Variants in ACCS observed in about 807,000 individuals in gnomAD.
The protein encoded by ACCS is 1-aminocyclopropane-1-carboxylate synthase homolog (inactive), also known as 1-aminocyclopropane-1-carboxylate synthase-like protein 1.
ACCS carries 42 observed loss-of-function variants against 59.8 expected under a neutral mutation model. That is an observed-to-expected ratio of 0.70 (90% confidence interval 0.55 to 0.91). The LOEUF is 0.91. ACCS is among the 40% of genes least tolerant of loss of function. ACCS has a pLI of 0.00. For synonymous variants in ACCS, 230 were observed against 240.3 expected, an observed-to-expected ratio of 0.96 and a Z score of 0.40; for missense variants, 602 against 630.4, an observed-to-expected ratio of 0.95 and a Z score of 0.48.
intron 12 of ACCS, chr11:44,082,131 C>T (rs1953666937): frequency 6.6e-6 from 1 of 152,148 alleles, no homozygotes; most frequent in Non-Finnish European, 1.5e-5. Flanking sequence ...AAAATAGTGA[C>T]AACATCAAGT....
rs374980686 is a variant in ACCS, at chr11:44,077,318, C to A, written c.596C>A (p.Thr199Lys). The change falls in exon 7 of 15, where the codon ACA (threonine) becomes AAA (lysine). Residue 199 changes from threonine to lysine, a missense_variant. Physicochemically the swap from Thr to Lys is moderately conservative, Grantham distance 78. Transcript: ENST00000263776. ...LIPTPYYGAI[T>K]QHVCLYGNIR... is the part of the protein sequence containing the mutation. ...CCCACCCCTTACTATGGCGCTATCA[C>A]ACAGCACGTGTGTCTCTATGGCAAC... 13 of 1,614,158 alleles carry A rather than the reference C, an allele frequency of 8.1e-6. No individual in the cohort carries two copies. The African/African-American group carries it at 1.7e-4, about 22-fold the overall frequency.
At chr11:44,073,873 C>G (rs1416192425) in intron 4 of ACCS, among the ~76,000 whole-genome samples, 1 of 152,182 alleles carries the variant, frequency 6.6e-6, no homozygotes, top group Non-Finnish European at 1.5e-5. Context: ...TTGATGGTAG[C>G]TTTAGAGAAG....
rs559193921 is a variant in ACCS at position 44,070,740 on chromosome 11, C to A, written c.289-516C>A. Among the ~76,000 whole-genome samples the A allele has an allele frequency of 4.5e-4, 68 of 152,212 alleles. 1 individual carries two copies. The highest frequency in any genetic ancestry group is 1.5e-3 in the African/African-American group (64 of 41,514). ...GGGAGTATTTGCACTGGCAAAGGAA[C>A]CTCTTCTTGATCTACATCTACCTTT... On this transcript the variant is annotated intron_variant, in intron 2 of 14. Coordinates refer to ENST00000263776, the MANE Select transcript of ACCS (RefSeq NM_032592.4).
At chr11:44,071,213 C>A in intron 2 of ACCS, 43 bp from the exon 3 acceptor site, 1 of 1,607,172 alleles carries the variant, frequency 6.2e-7, no homozygotes, top group African/African-American at 1.3e-5. Flanking sequence ...TCACTGGCAC[C>A]CCCCTGCCAT....
At chr11:44,070,669 G>A (rs1953007168) in intron 2 of ACCS, among the ~76,000 whole-genome samples, 1 of 152,178 alleles carries the variant, frequency 6.6e-6, no homozygotes, top group Non-Finnish European at 1.5e-5. Flanking sequence ...ATAAATGCCT[G>A]TGGGGTGGGG....
chr11:44,083,660 T>A (rs751674371), intron 14 of ACCS, 35 bp from the exon 15 acceptor site: 3 of 1,614,178 alleles, frequency 1.9e-6, no homozygotes, highest in Non-Finnish European at 2.5e-6. Context: ...CACGTGGCCA[T>A]CAGTGCCAAC....
chr11:44,078,045 G>A (rs1478051887), intron 8 of ACCS, 123 bp downstream of exon 8: 7 of 1,230,026 alleles, frequency 5.7e-6, no homozygotes, highest in Non-Finnish European at 7.8e-6. Flanking sequence ...GGGACAGACA[G>A]GTAGGGTGGT....
At position 44,083,459 on chromosome 11, in the gene ACCS, G is replaced by T; in HGVS notation, c.1290G>T (p.Leu430=). The T allele has an allele frequency of 6.2e-7, 1 of 1,614,236 alleles. No individual in the cohort carries two copies. Among genetic ancestry groups the T allele is most frequent in the Non-Finnish European group, 8.5e-7 (1 of 1,180,030 alleles). ...LPKGTFEEEM[L]LWRRFLDNKV... ...AGGGCACCTTTGAGGAGGAAATGCT[G>T]CTCTGGCGCCGCTTTTTGGACAACA... The change falls in exon 14 of 15, where the codon CTG becomes CTT. Residue 430 remains leucine, a synonymous_variant. Transcript: ENST00000263776.
At chr11:44,077,781 A>G in intron 7 of ACCS, 64 bp from the exon 8 acceptor site, 6 of 1,585,868 alleles carry the variant, frequency 3.8e-6, no homozygotes, top group South Asian at 3.5e-5. Context: ...CTGAGAGTTC[A>G]TATGTATTTT....
intron 11 of ACCS, 41 bp from the exon 12 acceptor site, chr11:44,081,138 C>T: frequency 6.2e-7 from 1 of 1,614,192 alleles, no homozygotes; most frequent in Non-Finnish European, 8.5e-7. Context: ...CAGCTTCCTC[C>T]ATGGAGGGCT....
At chr11:44,072,930 C>T (rs1010539320) in intron 3 of ACCS, among the ~76,000 whole-genome samples, 1 of 152,186 alleles carries the variant, frequency 6.6e-6, no homozygotes, top group African/African-American at 2.4e-5. Flanking sequence ...AAAGGACCTA[C>T]AATACTAGGA....
rs554166214 is a variant in ACCS at position 44,083,653 on chromosome 11, G to T, written c.1409-42G>T. On this transcript the variant is annotated intron_variant, in intron 14 of 14. Coordinates refer to ENST00000263776, the MANE Select transcript of ACCS (RefSeq NM_032592.4). ...CCTCCGCTTGTTTGTCCCCACCCAC[G>T]TGGCCATCAGTGCCAACTGGCCCCT... 62 of 1,614,016 alleles carry T rather than the reference G, an allele frequency of 3.8e-5. No homozygotes were observed. The South Asian group carries it at 6.5e-4, about 17-fold the overall frequency.
At chr11:44,082,991 C>T (rs1192996534) in intron 12 of ACCS, among the ~76,000 whole-genome samples, 178 bp from the exon 13 acceptor site, 2 of 152,168 alleles carry the variant, frequency 1.3e-5, no homozygotes, top group East Asian at 3.9e-4. Context: ...TTGAACACTG[C>T]ATTTCCATCC....
chr11:44,077,805 C>T (rs749754237), intron 7 of ACCS, 40 bp from the exon 8 acceptor site: 1 of 1,605,618 alleles, frequency 6.2e-7, no homozygotes, highest in Non-Finnish European at 8.5e-7. Context: ...GGGCAATGGT[C>T]ACTGAATGTG....
Position 44,067,684 on chromosome 11 carries a change from C to A in ACCS, c.57C>A (p.Thr19=). ...FRAPTTCLGP[T]CMQDLGSSHG... is the part of the protein sequence containing the mutation. ...CTCCCACCACCTGTCTGGGCCCCACCTGCATGCAGGACCTGGGCAGTAGCC... is the reference window on the plus strand; with the variant it reads ...CTCCCACCACCTGTCTGGGCCCCACATGCATGCAGGACCTGGGCAGTAGCC... Residue 19 remains threonine, a synonymous_variant, in exon 2 of 15, where the codon ACC becomes ACA. Coordinates refer to ENST00000263776, the MANE Select transcript of ACCS (RefSeq NM_032592.4). 2 of 1,614,168 alleles carry A rather than the reference C, an allele frequency of 1.2e-6. No individual in the cohort carries two copies. Among genetic ancestry groups the A allele is most frequent in the Non-Finnish European group, 1.7e-6 (2 of 1,180,004 alleles).
chr11:44,080,828 G>T (rs966700232), intron 10 of ACCS, 192 bp from the exon 11 acceptor site: 23 of 630,644 alleles, frequency 3.6e-5, no homozygotes, highest in Non-Finnish European at 8.3e-6. Context: ...GCTATGTTTG[G>T]CCCGCGGGCT....
intron 8 of ACCS, chr11:44,078,230 T>G: frequency 5.5e-6 from 2 of 366,344 alleles, no homozygotes; most frequent in Non-Finnish European, 9.8e-6. Context: ...AGTACAGGAG[T>G]CTGTGGTTTT....
intron 2 of ACCS, among the ~76,000 whole-genome samples, chr11:44,069,361 T>C (rs1242246116): frequency 6.6e-6 from 1 of 152,032 alleles, no homozygotes; most frequent in Non-Finnish European, 1.5e-5. Flanking sequence ...GGATTACAGG[T>C]GTGTGCCACT....
At position 44,081,166 on chromosome 11, in the gene ACCS, C is replaced by A; in HGVS notation, c.970-13C>A. 6.2e-7 allele frequency: 1 copy of A among 1,614,226 alleles called. No individual in the cohort carries two copies. The highest frequency in any genetic ancestry group is 8.5e-7 in the Non-Finnish European group (1 of 1,180,032). ...GGAGGGCTGGCCACCGCCTAGGGTG[C>A]TTCTTCCTGCAGGACTTCGGGATGT... On this transcript the variant is annotated splice_polypyrimidine_tract_variant and intron_variant, in intron 11 of 14. Transcript: ENST00000263776.
Sources: gnomAD v4.1 joint callset for allele counts (sites outside exome capture counted in the v4.1 genomes callset) on GRCh38, gnomAD v4.1.1 for gene constraint, MANE v1.5 for transcripts, NCBI Gene and HGNC (gene_info 2026-07-23, HGNC 2026-07-21) for gene names.